ADAMTS6: variants seen among roughly 807,000 people sequenced by gnomAD.
ADAMTS6 encodes A disintegrin and metalloproteinase with thrombospondin motifs 6.
A neutral mutation model predicts 144.3 loss-of-function variants in ADAMTS6; 23 were observed. That is an observed-to-expected ratio of 0.16 (90% CI 0.11 to 0.23). The LOEUF is 0.23. Ranked by LOEUF, ADAMTS6 falls within the 10% of genes least tolerant of loss-of-function variation. ADAMTS6 has a pLI of 1.00. For missense variants in ADAMTS6, 999 were observed against 1,379.6 expected (o/e 0.72, Z 4.37); for synonymous variants, 444 against 457.5 (o/e 0.97, Z 0.38).
intron 7 of ADAMTS6, among the ~76,000 whole-genome samples, chr5:65,364,927 T>G (rs1750166747): frequency 6.6e-6 from 1 of 152,260 alleles, no homozygotes; most frequent in Admixed American, 6.5e-5. Flanking sequence ...CAGATCAACT[T>G]ACGAGGTTAT....
intron 10 of ADAMTS6, among the ~76,000 whole-genome samples, chr5:65,292,253 C>G (rs2112762437): frequency 6.6e-6 from 1 of 152,218 alleles, no homozygotes; most frequent in East Asian, 1.9e-4. Context: ...TTTATTTAGT[C>G]AGTGTGCATA....
At chr5:65,284,529 C>T (rs1456404311) in intron 11 of ADAMTS6, among the ~76,000 whole-genome samples, 3 of 152,034 alleles carry the variant, frequency 2.0e-5, no homozygotes, top group Admixed American at 1.3e-4. Flanking sequence ...AGATTTCTTA[C>T]TATAAATTAA....
chr5:65,424,448 T>C (rs1452893983), intron 7 of ADAMTS6, among the ~76,000 whole-genome samples: 1 of 152,220 alleles, frequency 6.6e-6, no homozygotes, highest in Non-Finnish European at 1.5e-5. Flanking sequence ...TCAATGGACA[T>C]TGGAAAATAA....
chr5:65,345,539 T>C (rs575946992), intron 7 of ADAMTS6, among the ~76,000 whole-genome samples: 23 of 151,876 alleles, frequency 1.5e-4, no homozygotes, highest in African/African-American at 5.5e-4. Context: ...TACCAGAGCT[T>C]ACCAGGTATC....
At chr5:65,426,122 C>A (rs1177149991) in intron 7 of ADAMTS6, among the ~76,000 whole-genome samples, 4 of 151,288 alleles carry the variant, frequency 2.6e-5, no homozygotes, top group Non-Finnish European at 5.9e-5. Flanking sequence ...TCTTGGCTCA[C>A]TGCAACTTCC....
intron 7 of ADAMTS6, among the ~76,000 whole-genome samples, chr5:65,434,166 G>A (rs976598480): frequency 3.9e-5 from 6 of 152,194 alleles, no homozygotes; most frequent in African/African-American, 1.4e-4. Flanking sequence ...CATATTTTAT[G>A]ATTCCATTTA....
At chr5:65,181,709 T>G (rs1345073718) in intron 22 of ADAMTS6, among the ~76,000 whole-genome samples, 1 of 152,202 alleles carries the variant, frequency 6.6e-6, no homozygotes, top group Admixed American at 6.5e-5. Flanking sequence ...ATAGTAAATA[T>G]GAATTATTGT....
intron 22 of ADAMTS6, among the ~76,000 whole-genome samples, chr5:65,178,014 G>A (rs981394023): frequency 6.6e-6 from 1 of 152,172 alleles, no homozygotes; most frequent in African/African-American, 2.4e-5. Flanking sequence ...TTCACTTCGT[G>A]TCTCTCACGA....
chr5:65,398,858 G>C (rs1561502130), intron 7 of ADAMTS6, among the ~76,000 whole-genome samples: 1 of 149,778 alleles, frequency 6.7e-6, no homozygotes, highest in Admixed American at 6.7e-5. Flanking sequence ...GAAAAAGAAA[G>C]AGAAAGAAAG....
chr5:65,275,411 G>GA (rs1404185138), intron 11 of ADAMTS6, among the ~76,000 whole-genome samples: 198 of 125,876 alleles, frequency 1.6e-3, no homozygotes, highest in African/African-American at 5.8e-3. Context: ...AAGAAAGAAA[G>GA]AAAGAAAAGA....
intron 14 of ADAMTS6, among the ~76,000 whole-genome samples, chr5:65,244,456 T>C (rs1464458792): frequency 1.3e-5 from 2 of 152,086 alleles, no homozygotes; most frequent in African/African-American, 4.8e-5. Flanking sequence ...AAATGTCCAA[T>C]ATGGGGATAT....
chr5:65,190,250 T>A (rs1483367182), intron 21 of ADAMTS6, among the ~76,000 whole-genome samples: 1 of 152,232 alleles, frequency 6.6e-6, no homozygotes, highest in African/African-American at 2.4e-5. Flanking sequence ...ATTTTGAATT[T>A]AAAAAATCTG....
intron 12 of ADAMTS6, among the ~76,000 whole-genome samples, chr5:65,272,723 C>T (rs1370478885): frequency 6.6e-6 from 1 of 151,670 alleles, no homozygotes; most frequent in Non-Finnish European, 1.5e-5. Flanking sequence ...AGTTCGAGAC[C>T]AGCCCGGGCA....
intron 8 of ADAMTS6, among the ~76,000 whole-genome samples, chr5:65,332,304 TATATATATAGAGAGAG>T (rs1221953733): frequency 8.5e-6 from 1 of 117,860 alleles, no homozygotes; most frequent in Non-Finnish European, 1.9e-5. Context: ...TATATATATA[TATATATATAGAGAGAG>T]AGAGAGAGAG....
chr5:65,302,326 T>C (rs939609917), intron 9 of ADAMTS6, among the ~76,000 whole-genome samples: 4 of 145,286 alleles, frequency 2.8e-5, no homozygotes, highest in African/African-American at 1.0e-4. Flanking sequence ...CATATACATG[T>C]ATATATTATA....
chr5:65,172,831 C>G lies in ADAMTS6; in HGVS notation c.3087+1G>C. 1 of 1,613,468 alleles carries G rather than the reference C, an allele frequency of 6.2e-7. No homozygotes were observed. Among genetic ancestry groups the G allele is most frequent in the Non-Finnish European group, 8.5e-7 (1 of 1,179,668 alleles). On this transcript the variant is annotated splice_donor_variant, in intron 23 of 24. Coordinates refer to ENST00000381055, the MANE Select transcript of ADAMTS6 (RefSeq NM_197941.4). LOFTEE classifies it high-confidence loss of function. ...AGGAGCCCACAGTACAAACGCCTTA[C>G]CTGGCCCCAGTCTCCTGTGACCCAG...
intron 4 of ADAMTS6, among the ~76,000 whole-genome samples, chr5:65,455,126 T>C (rs1235232930): frequency 2.6e-5 from 4 of 152,250 alleles, no homozygotes; most frequent in Non-Finnish European, 5.9e-5. Flanking sequence ...TAGGATTTTA[T>C]TTTCATTCTT....
At chr5:65,242,310 T>C (rs1334063018) in intron 14 of ADAMTS6, 104 bp from the exon 15 acceptor site, 2 of 675,844 alleles carry the variant, frequency 3.0e-6, no homozygotes, top group African/African-American at 3.6e-5. Context: ...ACTACCTTAT[T>C]CTGTGGCTAT....
chr5:65,430,366 C>T (rs10057534), intron 7 of ADAMTS6, among the ~76,000 whole-genome samples: 59,641 of 151,776 alleles, frequency 0.39, 12,073 homozygotes, highest in South Asian at 0.44. Context: ...TTCAAGGACA[C>T]CCAACCCAGT....
Sources: allele counts gnomAD v4.1 joint callset (sites outside exome capture counted in the v4.1 genomes callset), GRCh38; gene constraint gnomAD v4.1.1; transcripts MANE v1.5; gene names NCBI Gene and HGNC (gene_info 2026-07-23, HGNC 2026-07-21).